RASAL2: variants seen among roughly 807,000 people sequenced by gnomAD.
RASAL2 encodes the protein ras GTPase-activating protein nGAP.
Under a neutral mutation model 128.9 loss-of-function variants are expected in RASAL2, and 58 were observed. The observed-to-expected ratio is 0.45, with a 90% CI of 0.36 to 0.56. RASAL2 has a LOEUF of 0.56. Ranked by LOEUF, RASAL2 falls within the 20% of genes least tolerant of loss-of-function variation. RASAL2 has a pLI of 0.00. For synonymous variants in RASAL2, 561 were observed against 580.8 expected, an observed-to-expected ratio of 0.97 and a Z score of 0.49; for missense variants, 1,360 against 1,601.6, an observed-to-expected ratio of 0.85 and a Z score of 2.57.
chr1:178,371,967 A>G (rs1286401111), intron 3 of RASAL2, among the ~76,000 whole-genome samples: 1 of 152,164 alleles, frequency 6.6e-6, no homozygotes, highest in Non-Finnish European at 1.5e-5. Flanking sequence ...AGACTAAAGC[A>G]TAACACCAAG....
At chr1:178,301,531 C>T (rs1181422551) in intron 3 of RASAL2, among the ~76,000 whole-genome samples, 1 of 151,928 alleles carries the variant, frequency 6.6e-6, no homozygotes, top group African/African-American at 2.4e-5. Flanking sequence ...CTACTTGGTT[C>T]AAGCAATTCT....
rs145483696 is a variant in RASAL2, at chr1:178,425,660, A to G, written c.674+5040A>G. On this transcript the variant is annotated intron_variant, in intron 5 of 17. Coordinates refer to ENST00000367649, the MANE Select transcript of RASAL2 (RefSeq NM_170692.4). Reference sequence around the variant, plus strand: ...CTTCAGGATCTTCAAGAATCTCTTTATAGGCATAAGATAGCTACTAGAGCT... The same window carrying G: ...CTTCAGGATCTTCAAGAATCTCTTTGTAGGCATAAGATAGCTACTAGAGCT... Among the ~76,000 whole-genome samples the G allele has an allele frequency of 8.3e-4, 127 of 152,224 alleles. 1 individual carries two copies. Among genetic ancestry groups the G allele is most frequent in the African/African-American group, 2.9e-3 (120 of 41,554 alleles).
At chr1:178,321,195 T>C (rs1668756084) in intron 3 of RASAL2, among the ~76,000 whole-genome samples, 1 of 152,110 alleles carries the variant, frequency 6.6e-6, no homozygotes, top group Admixed American at 6.5e-5. Context: ...TCGATTCTCC[T>C]GTCCCAGCCT....
chr1:178,445,669 A>G lies in RASAL2; in HGVS notation c.1627+7A>G. 1 of 1,598,732 alleles carries G rather than the reference A, an allele frequency of 6.3e-7. No individual in the cohort carries two copies. The highest frequency in any genetic ancestry group is 8.5e-7 in the Non-Finnish European group (1 of 1,173,768). On this transcript the variant is annotated splice_region_variant and intron_variant, in intron 9 of 17. Coordinates refer to ENST00000367649, the MANE Select transcript of RASAL2 (RefSeq NM_170692.4). ...TATCTTCATGACGCACTGGGTATGA[A>G]AGAGAAAAACATCTATTTTCTTTTA...
intron 1 of RASAL2, among the ~76,000 whole-genome samples, chr1:178,237,690 C>T (rs1317384065): frequency 1.3e-5 from 2 of 152,172 alleles, no homozygotes; most frequent in Admixed American, 1.3e-4. Flanking sequence ...ACTTAATACA[C>T]ACAATTCAAT....
intron 3 of RASAL2, among the ~76,000 whole-genome samples, chr1:178,336,084 C>T (rs1244078448): frequency 6.6e-6 from 1 of 152,058 alleles, no homozygotes; most frequent in African/African-American, 2.4e-5. Flanking sequence ...TCTCCATTTC[C>T]TCATCTGTAA....
At chr1:178,411,964 C>A (rs145287166) in intron 4 of RASAL2, 2 of 594,886 alleles carry the variant, frequency 3.4e-6, no homozygotes, top group Non-Finnish European at 6.1e-6. Context: ...ACCCCCCATC[C>A]CCTCTTGACG....
intron 5 of RASAL2, among the ~76,000 whole-genome samples, chr1:178,422,161 C>T (rs1675192932): frequency 6.6e-6 from 1 of 151,880 alleles, no homozygotes; most frequent in Non-Finnish European, 1.5e-5. Context: ...TTTAACCTTG[C>T]ACTAAATGTT....
chr1:178,411,792 C>T, intron 4 of RASAL2: 1 of 777,378 alleles, frequency 1.3e-6, no homozygotes, highest in East Asian at 2.4e-5. Context: ...TTTTGGCTGC[C>T]CAGGATGTGG....
At chr1:178,385,751 CCTA>C (rs1672529665) in intron 3 of RASAL2, among the ~76,000 whole-genome samples, 1 of 152,114 alleles carries the variant, frequency 6.6e-6, no homozygotes, top group African/African-American at 2.4e-5. Flanking sequence ...GACTTTACCT[CCTA>C]CTATTTGTTC....
chr1:178,296,091 GTATA>G (rs551999060), intron 2 of RASAL2, among the ~76,000 whole-genome samples: 2 of 150,972 alleles, frequency 1.3e-5, no homozygotes, highest in Non-Finnish European at 2.9e-5. Flanking sequence ...ATATGTGTGT[GTATA>G]TATATGTGTA....
At chr1:178,186,221 T>C (rs1172862150) in intron 1 of RASAL2, among the ~76,000 whole-genome samples, 2 of 151,992 alleles carry the variant, frequency 1.3e-5, no homozygotes, top group Non-Finnish European at 2.9e-5. Context: ...GTGATGACTT[T>C]TCTCTTTTTT....
At chr1:178,295,558 A>T (rs897319460) in intron 2 of RASAL2, among the ~76,000 whole-genome samples, 2 of 151,954 alleles carry the variant, frequency 1.3e-5, no homozygotes, top group African/African-American at 2.4e-5. Flanking sequence ...ATGCTTATCC[A>T]TGATAGGAAG....
chr1:178,130,971 G>A (rs550326821), intron 1 of RASAL2, among the ~76,000 whole-genome samples: 4 of 151,586 alleles, frequency 2.6e-5, no homozygotes, highest in East Asian at 3.9e-4. Context: ...GGAGAATGGC[G>A]TGAACCCGGG....
At position 178,474,242 on chromosome 1, in the gene RASAL2, C is replaced by T. The variant is rs535455391; in HGVS notation, c.*1003C>T. ...CCATACAGAAAAGGGCTAACCATACCACAGCTGGAATCTCTGAATATTTCC... is the reference window on the plus strand; with the variant it reads ...CCATACAGAAAAGGGCTAACCATACTACAGCTGGAATCTCTGAATATTTCC... On this transcript the variant is annotated 3_prime_UTR_variant, in exon 18 of 18. Transcript: ENST00000367649. 2 of 152,742 alleles carry T rather than the reference C, an allele frequency of 1.3e-5. No individual in the cohort carries two copies. Among genetic ancestry groups the T allele is most frequent in the East Asian group, 3.9e-4 (2 of 5,186 alleles). The allele number at this position is 152,742 out of a possible 1,614,324, so 9.5% of individuals were successfully genotyped here.
intron 1 of RASAL2, among the ~76,000 whole-genome samples, chr1:178,234,890 C>A (rs1664164419): frequency 6.6e-6 from 1 of 152,166 alleles, no homozygotes; most frequent in Non-Finnish European, 1.5e-5. Flanking sequence ...CTAATGAGAT[C>A]ATTTCAGTGA....
At chr1:178,362,581 A>T (rs1433559596) in intron 3 of RASAL2, among the ~76,000 whole-genome samples, 1 of 151,566 alleles carries the variant, frequency 6.6e-6, no homozygotes, top group African/African-American at 2.4e-5. Flanking sequence ...TGTACACTAG[A>T]TCTCTAGATT....
At chr1:178,401,802 T>A (rs1195712443) in intron 4 of RASAL2, among the ~76,000 whole-genome samples, 2 of 152,120 alleles carry the variant, frequency 1.3e-5, no homozygotes, top group Non-Finnish European at 2.9e-5. Context: ...CTCGGAAACT[T>A]TTTCATTAAA....
At chr1:178,430,531 G>A (rs186158734) in intron 5 of RASAL2, among the ~76,000 whole-genome samples, 3 of 152,076 alleles carry the variant, frequency 2.0e-5, no homozygotes, top group Non-Finnish European at 2.9e-5. Context: ...ATGAACTAAT[G>A]CATGTCATAT....
Sources: allele counts gnomAD v4.1 joint callset (sites outside exome capture counted in the v4.1 genomes callset), GRCh38; gene constraint gnomAD v4.1.1; transcripts MANE v1.5; gene names NCBI Gene and HGNC (gene_info 2026-07-23, HGNC 2026-07-21).